ADAMTS9: variants seen among roughly 807,000 people sequenced by gnomAD.
The protein encoded by ADAMTS9 is ADAM metallopeptidase with thrombospondin type 1 motif 9.
Under a neutral mutation model 257.1 loss-of-function variants are expected in ADAMTS9, and 107 were observed. The observed-to-expected ratio is 0.42, with a 90% confidence interval of 0.36 to 0.49. The LOEUF (loss-of-function observed/expected upper bound fraction) is 0.49, where lower values mean the gene tolerates loss of function less well. ADAMTS9 is among the 20% of genes least tolerant of loss of function. The pLI is 0.03. For missense variants in ADAMTS9, 2,353 were observed against 2,469.1 expected, an observed-to-expected ratio of 0.95 and a Z score of 1.00; for synonymous variants, 982 against 880.9, an observed-to-expected ratio of 1.11 and a Z score of -2.03.
chr3:64,673,716 A>G (rs540663101), intron 3 of ADAMTS9, among the ~76,000 whole-genome samples: 97 of 152,232 alleles, frequency 6.4e-4, no homozygotes, highest in African/African-American at 2.2e-3. Context: ...AATATTACGT[A>G]TCAAATATTA....
Position 64,645,577 on chromosome 3 carries a change from C to G in ADAMTS9, c.1710+2363G>C, listed in dbSNP as rs371514228. Among the ~76,000 whole-genome samples, 21 of 152,280 alleles carry G rather than the reference C, an allele frequency of 1.4e-4. 1 individual carries two copies. The highest frequency in any genetic ancestry group is 5.1e-4 in the African/African-American group (21 of 41,544). Reference sequence around the variant, plus strand: ...TATGAAAAAGAAACAAAGCAAAACACTCAGAGAATTTCTATGCCAATATAT... The same window carrying G: ...TATGAAAAAGAAACAAAGCAAAACAGTCAGAGAATTTCTATGCCAATATAT... On this transcript the variant is annotated intron_variant, in intron 11 of 39. Coordinates refer to ENST00000498707, the MANE Select transcript of ADAMTS9 (RefSeq NM_182920.2).
rs1194146712 is a variant in ADAMTS9, at chr3:64,530,755, A to G, written c.5718+2411T>C. ...AGTTTATCTACATGGGTTTCCTACA[A>G]TCACATTTTTATTTATTTATTTACT... On this transcript the variant is annotated intron_variant, in intron 38 of 39. Coordinates refer to ENST00000498707, the MANE Select transcript of ADAMTS9 (RefSeq NM_182920.2). Among the ~76,000 whole-genome samples the G allele has an allele frequency of 1.3e-5, 2 of 152,200 alleles. 1 individual carries two copies. The highest frequency in any genetic ancestry group is 4.2e-4 in the South Asian group (2 of 4,816).
chr3:64,517,165 G>A (rs2082784698), intron 39 of ADAMTS9, 44 bp from the exon 40 acceptor site: 1 of 152,460 alleles, frequency 6.6e-6, no homozygotes, highest in Non-Finnish European at 1.5e-5. Context: ...TGCCTCAAAT[G>A]CTGCAAGTTA....
At chr3:64,541,795 G>C (rs1321939761) in intron 33 of ADAMTS9, 43 bp downstream of exon 33, 1 of 1,610,540 alleles carries the variant, frequency 6.2e-7, no homozygotes. Flanking sequence ...AAGACATCCT[G>C]TTCTTCATGC....
chr3:64,663,353 T>C (rs973413258), intron 3 of ADAMTS9, among the ~76,000 whole-genome samples: 1 of 151,900 alleles, frequency 6.6e-6, no homozygotes, highest in African/African-American at 2.4e-5. Flanking sequence ...GTAAATATCA[T>C]GATTTTATTT....
chr3:64,687,551 G>A lies in ADAMTS9; in HGVS notation c.107C>T (p.Pro36Leu), dbSNP rs200497971. The A allele has an allele frequency of 3.3e-5, 51 of 1,541,356 alleles. No individual in the cohort carries two copies. The East Asian group carries it at 7.2e-4, about 22-fold the overall frequency. Residue 36 changes from proline to leucine, a missense_variant, in exon 1 of 40, where the codon CCG becomes CTG. Physicochemically the swap from Pro to Leu is moderately conservative, Grantham distance 98 (BLOSUM62 -3). Coordinates refer to ENST00000498707, the MANE Select transcript of ADAMTS9 (RefSeq NM_182920.2). The surrounding 1 kb of genome is among the most constrained non-coding windows in gnomAD (Gnocchi z 4.4). ...GGCCGGAGCCTGGTTACCTTGCCTC[G>A]GGTGCAGCCTGTCCTTGCGCACGGC... is the stretch of plus-strand genomic sequence containing the variant. ...AAAVRKDRLH[P>L]RQVKLLETLS... is the part of the protein sequence containing the mutation.
intron 31 of ADAMTS9, among the ~76,000 whole-genome samples, chr3:64,547,739 G>C (rs1045989005): frequency 6.6e-6 from 1 of 151,820 alleles, no homozygotes; most frequent in South Asian, 2.1e-4. Context: ...TCTATATCAC[G>C]CCCTCATCTG....
chr3:64,561,725 T>C lies in ADAMTS9; in HGVS notation c.4551A>G (p.Val1517=). The part of the protein sequence containing the change: ...SQCSVSCGRG[V]QQRHVGCQIG... ...TCTGACAGCCCACATGCCTCTGCTG[T>C]ACGCCTCGGCCACAGGACACAGAGC... Residue 1517 remains valine, a synonymous_variant, in exon 30 of 40, where the codon GTA becomes GTG. Coordinates refer to ENST00000498707, the MANE Select transcript of ADAMTS9 (RefSeq NM_182920.2). The C allele has an allele frequency of 6.3e-7, 1 of 1,590,242 alleles. No individual in the cohort carries two copies. Among genetic ancestry groups the C allele is most frequent in the East Asian group, 2.4e-5 (1 of 42,476 alleles).
At chr3:64,633,346 C>T (rs1204834092) in intron 14 of ADAMTS9, 126 bp downstream of exon 14, 7 of 1,409,484 alleles carry the variant, frequency 5.0e-6, no homozygotes, top group Non-Finnish European at 6.7e-6. Context: ...CCCGGGGCCA[C>T]ACTTTGAGAA....
rs1410934278 is a variant in ADAMTS9, at chr3:64,687,927, T to C, written c.-270A>G. On this transcript the variant is annotated 5_prime_UTR_variant, in exon 1 of 40. Transcript: ENST00000498707. This position sits in a 1 kb window ranked among gnomAD's most constrained non-coding sequence, Gnocchi z 4.4. ...GGAGGAGGACTGGGGCTCGGCTGCTTGGCCGCATAATGCCCAGCGAGCGGG... is the reference window on the plus strand; with the variant it reads ...GGAGGAGGACTGGGGCTCGGCTGCTCGGCCGCATAATGCCCAGCGAGCGGG... 3 of 290,766 alleles carry C rather than the reference T, an allele frequency of 1.0e-5. No homozygotes were observed. The highest frequency in any genetic ancestry group is 1.9e-5 in the Non-Finnish European group (3 of 156,792). 18.0% of individuals were successfully genotyped at this position (290,766 alleles called of 1,614,324 possible).
intron 26 of ADAMTS9, among the ~76,000 whole-genome samples, chr3:64,601,635 G>A (rs1249781599): frequency 6.6e-6 from 1 of 152,094 alleles, no homozygotes; most frequent in Non-Finnish European, 1.5e-5. Context: ...ACAGGTATGA[G>A]CTGCCTGTGG....
At chr3:64,672,413 T>C (rs1439979339) in intron 3 of ADAMTS9, among the ~76,000 whole-genome samples, 7 of 152,200 alleles carry the variant, frequency 4.6e-5, no homozygotes, top group Admixed American at 4.6e-4. Flanking sequence ...CCAAGTGTGG[T>C]GGCTCATGCC....
intron 3 of ADAMTS9, among the ~76,000 whole-genome samples, chr3:64,673,506 C>G (rs1559822410): frequency 6.6e-6 from 1 of 152,172 alleles, no homozygotes; most frequent in Non-Finnish European, 1.5e-5. Flanking sequence ...ATTTTAACAA[C>G]AGCGATGACG....
At chr3:64,679,581 G>A (rs1326601727) in intron 3 of ADAMTS9, among the ~76,000 whole-genome samples, 1 of 152,158 alleles carries the variant, frequency 6.6e-6, no homozygotes, top group Non-Finnish European at 1.5e-5. Context: ...AGCCGCTTTA[G>A]GGGAGAAGAA....
intron 32 of ADAMTS9, among the ~76,000 whole-genome samples, chr3:64,546,087 CTCTTA>C (rs2083194384): frequency 6.6e-6 from 1 of 152,174 alleles, no homozygotes; most frequent in African/African-American, 2.4e-5. Context: ...CCTTCTGTAA[CTCTTA>C]TGAGTATCAG....
chr3:64,687,619 C>G lies in ADAMTS9; in HGVS notation c.39G>C (p.Leu13=), dbSNP rs547867482. 1.9e-6 allele frequency: 3 copies of G among 1,586,298 alleles called. No individual in the cohort carries two copies. Among genetic ancestry groups the G allele is most frequent in the East Asian group, 2.3e-5 (1 of 43,502 alleles). Residue 13 remains leucine (L), a synonymous_variant, in exon 1 of 40, where the codon CTG becomes CTC. Transcript: ENST00000498707. This position sits in a 1 kb window ranked among gnomAD's most constrained non-coding sequence, Gnocchi z 4.4. The part of the protein sequence containing the change: ...FVSWATLLTL[L]VRDLAEMGSP... ...TCCCCATCTCGGCCAGGTCCCGCAC[C>G]AGGAGCGTTAGCAGTGTGGCCCAGG... is the stretch of plus-strand genomic sequence containing the variant.
intron 37 of ADAMTS9, among the ~76,000 whole-genome samples, chr3:64,537,920 A>T (rs183146322): frequency 1.6e-3 from 239 of 152,352 alleles, no homozygotes; most frequent in Non-Finnish European, 3.1e-3. Flanking sequence ...ATTATGACAA[A>T]ATGTTTCAAA....
Position 64,551,020 on chromosome 3 carries a change from C to T in ADAMTS9, c.4741G>A (p.Val1581Met), listed in dbSNP as rs2083264414. The change falls in exon 31 of 40, where the codon GTG becomes ATG. Residue 1581 changes from valine (V) to methionine (M), a missense_variant. Coordinates refer to ENST00000498707, the MANE Select transcript of ADAMTS9 (RefSeq NM_182920.2). ...TCGTTTTTGTTGTCATCCACACACACCACCTTGCGGTACCTGGAGCCTTCG... is the reference window on the plus strand; with the variant it reads ...TCGTTTTTGTTGTCATCCACACACATCACCTTGCGGTACCTGGAGCCTTCG... ...CGEGSRYRKVVCVDDNKNEVH... is the reference protein window; with the variant it reads ...CGEGSRYRKVMCVDDNKNEVH... 6.2e-7 allele frequency: 1 copy of T among 1,614,090 alleles called. No homozygotes were observed. The highest frequency in any genetic ancestry group is 1.3e-5 in the African/African-American group (1 of 74,936).
In ADAMTS9 at chr3:64,631,570, A is replaced by T; in HGVS notation, c.2294-20T>A. 1 of 1,580,872 alleles carries T rather than the reference A, an allele frequency of 6.3e-7. No individual in the cohort carries two copies. The highest frequency in any genetic ancestry group is 8.7e-7 in the Non-Finnish European group (1 of 1,149,758). ...TGTAACCTGAAAAGAATTTAGCAGA[A>T]ATTCAGTACTCCACAGAATGGTTCA... is the stretch of plus-strand genomic sequence containing the variant. On this transcript the variant is annotated intron_variant, in intron 15 of 39. Coordinates refer to ENST00000498707, the MANE Select transcript of ADAMTS9 (RefSeq NM_182920.2).
Sources: allele counts gnomAD v4.1 joint callset (sites outside exome capture counted in the v4.1 genomes callset), GRCh38; gene constraint gnomAD v4.1.1; non-coding constraint Gnocchi (gnomAD v3.1); transcripts MANE v1.5; gene names NCBI Gene and HGNC (gene_info 2026-07-23, HGNC 2026-07-21).